SV2C: variants seen among roughly 807,000 people sequenced by gnomAD.
The protein encoded by SV2C is solute carrier family 22 member B3.
In SV2C, 49 loss-of-function variants were observed where a neutral mutation model predicts 79.7. That is an observed-to-expected ratio of 0.61 (90% confidence interval 0.49 to 0.78). SV2C has a LOEUF of 0.78. SV2C is among the 30% of genes least tolerant of loss of function. The pLI is 0.00. For missense variants in SV2C, 833 were observed against 912.9 expected (o/e 0.91, Z 1.13); for synonymous variants, 334 against 333.2 (o/e 1.00, Z -0.03).
intron 2 of SV2C, among the ~76,000 whole-genome samples, chr5:76,160,605 C>G (rs1397761901): frequency 6.6e-6 from 1 of 152,168 alleles, no homozygotes; most frequent in Admixed American, 6.6e-5. Context: ...AGTGACAAAA[C>G]AGCCCACAGA....
intron 1 of SV2C, among the ~76,000 whole-genome samples, chr5:76,109,958 C>G (rs182902276): frequency 4.3e-4 from 65 of 152,252 alleles, no homozygotes; most frequent in Non-Finnish European, 7.6e-4. Context: ...TCCACAATGA[C>G]TTAAGTCAAC....
chr5:76,259,318 A>G (rs971372293), intron 4 of SV2C, among the ~76,000 whole-genome samples: 1 of 152,182 alleles, frequency 6.6e-6, no homozygotes, highest in Non-Finnish European at 1.5e-5. Flanking sequence ...TATGAGAATG[A>G]CACTTGCCCC....
chr5:75,917,412 A>T, the SV2C span, among the ~76,000 whole-genome samples: 1 of 152,234 alleles, frequency 6.6e-6, no homozygotes, highest in Non-Finnish European at 1.5e-5. Flanking sequence ...GTGCTAAGGA[A>T]GAAAAAGAAG....
chr5:76,188,702 T>G (rs997415422), intron 2 of SV2C, among the ~76,000 whole-genome samples: 33 of 152,284 alleles, frequency 2.2e-4, no homozygotes, highest in African/African-American at 6.5e-4. Flanking sequence ...ATGCTATCAT[T>G]TCTAATCAGA....
chr5:75,893,933 G>A, the SV2C span, among the ~76,000 whole-genome samples: 20 of 152,158 alleles, frequency 1.3e-4, no homozygotes, highest in African/African-American at 4.8e-4. Flanking sequence ...AGCCAGTCCA[G>A]TTGACTGGAA....
intron 4 of SV2C, among the ~76,000 whole-genome samples, chr5:76,259,886 A>G (rs918567377): frequency 1.1e-4 from 17 of 152,116 alleles, no homozygotes; most frequent in African/African-American, 4.1e-4. Context: ...TTGCTGTTGT[A>G]AATAGTCCTG....
chr5:75,903,383 A>ATTTTTTTT, the SV2C span, among the ~76,000 whole-genome samples: 16 of 147,288 alleles, frequency 1.1e-4, no homozygotes, highest in African/African-American at 3.7e-4. Context: ...TTTTTTAAAA[A>ATTTTTTTT]AAAAAGAAAT....
chr5:76,150,074 C>G (rs1749554778), intron 2 of SV2C, among the ~76,000 whole-genome samples: 1 of 152,182 alleles, frequency 6.6e-6, no homozygotes. Flanking sequence ...AAACTGCTCA[C>G]AAGGACAAAA....
At chr5:75,882,434 A>G in the SV2C span, among the ~76,000 whole-genome samples, 2 of 151,128 alleles carry the variant, frequency 1.3e-5, no homozygotes, top group Non-Finnish European at 1.5e-5. Flanking sequence ...AAGAGCCTGC[A>G]TCGCCAAGTC....
the SV2C span, among the ~76,000 whole-genome samples, chr5:75,897,604 G>C: frequency 6.6e-6 from 1 of 152,304 alleles, no homozygotes; most frequent in South Asian, 2.1e-4. Context: ...ATTCTGTGAA[G>C]AAAGTCATTG....
intron 1 of SV2C, among the ~76,000 whole-genome samples, chr5:76,103,460 C>G (rs1747805814): frequency 1.3e-5 from 2 of 152,080 alleles, no homozygotes; most frequent in African/African-American, 4.8e-5. Flanking sequence ...AATGATTGTG[C>G]AAAGAAACCC....
chr5:76,307,455 G>A (rs934964435), intron 12 of SV2C, among the ~76,000 whole-genome samples: 3 of 150,610 alleles, frequency 2.0e-5, no homozygotes, highest in African/African-American at 7.3e-5. Flanking sequence ...CTGTTTTTTG[G>A]AAAACTGGCT....
intron 4 of SV2C, among the ~76,000 whole-genome samples, chr5:76,273,744 G>C (rs1746943769): frequency 6.6e-6 from 1 of 152,180 alleles, no homozygotes; most frequent in African/African-American, 2.4e-5. Flanking sequence ...ATTGGAGTTT[G>C]TTGGAATTTA....
intron 3 of SV2C, among the ~76,000 whole-genome samples, chr5:76,195,455 G>A (rs772982970): frequency 2.6e-5 from 4 of 152,144 alleles, no homozygotes; most frequent in Non-Finnish European, 5.9e-5. Context: ...CTAATTAAAG[G>A]TTTGAGCCAT....
chr5:76,179,949 A>AG (rs1743668306), intron 2 of SV2C, among the ~76,000 whole-genome samples: 1 of 151,878 alleles, frequency 6.6e-6, no homozygotes, highest in African/African-American at 2.4e-5. Context: ...CAACAACAGA[A>AG]AAAAAACTTA....
chr5:76,194,487 A>C (rs1744208671), intron 2 of SV2C, among the ~76,000 whole-genome samples: 1 of 152,228 alleles, frequency 6.6e-6, no homozygotes. Flanking sequence ...GTCTCATGAC[A>C]GGAGGAATCT....
intron 4 of SV2C, among the ~76,000 whole-genome samples, chr5:76,250,132 G>A (rs1282670723): frequency 6.6e-6 from 1 of 152,080 alleles, no homozygotes; most frequent in East Asian, 1.9e-4. Flanking sequence ...AAGAAATGTT[G>A]GCAGGTGCTC....
At chr5:76,156,497 C>CA (rs1402234696) in intron 2 of SV2C, among the ~76,000 whole-genome samples, 4 of 151,876 alleles carry the variant, frequency 2.6e-5, no homozygotes, top group Admixed American at 1.3e-4. Context: ...TGAGATATGC[C>CA]AAAAAACGGA....
chr5:76,185,502 G>A (rs1386029477), intron 2 of SV2C, among the ~76,000 whole-genome samples: 1 of 152,254 alleles, frequency 6.6e-6, no homozygotes, highest in Non-Finnish European at 1.5e-5. Context: ...TACATCCTTG[G>A]AAATCTAGGC....
Sources: allele counts gnomAD v4.1 joint callset (sites outside exome capture counted in the v4.1 genomes callset), GRCh38; gene constraint gnomAD v4.1.1; transcripts MANE v1.5; gene names NCBI Gene and HGNC (gene_info 2026-07-23, HGNC 2026-07-21).